SPRYD4: variants seen among roughly 807,000 people sequenced by gnomAD.
SPRYD4 encodes SPRY domain-containing protein 4.
A neutral mutation model predicts 16.6 loss-of-function variants in SPRYD4; 12 were observed. The ratio of observed to expected loss-of-function variants is 0.72; its 90% CI spans 0.46 to 1.17. SPRYD4 has a LOEUF of 1.17. Ranked by LOEUF, SPRYD4 falls within the 50% of genes most tolerant of loss-of-function variation. SPRYD4 has a pLI of 0.00. For synonymous variants in SPRYD4, 98 were observed against 105.4 expected, an observed-to-expected ratio of 0.93 and a Z score of 0.43; for missense variants, 260 against 260.2, an observed-to-expected ratio of 1.00 and a Z score of 0.00.
At position 56,472,385 on chromosome 12, in the gene SPRYD4, ATGTG is replaced by A; in HGVS notation, c.*2809_*2812del. ...TTATACTCATATTAGAGAGATGGGA[ATGTG>A]ATCCTTCCAGAAATATCACTCACTG... On this transcript the variant is annotated 3_prime_UTR_variant, in exon 2 of 2. Coordinates refer to ENST00000338146, the MANE Select transcript of SPRYD4 (RefSeq NM_207344.4). 1.6e-6 allele frequency: 1 copy of A among 615,426 alleles called. No individual in the cohort carries two copies. Among genetic ancestry groups the A allele is most frequent in the Non-Finnish European group, 2.9e-6 (1 of 350,612 alleles). The allele number at this position is 615,426 out of a possible 1,614,324, so 38.1% of individuals were successfully genotyped here. A position where few individuals can be genotyped will look rare whatever the true frequency, so the allele number is the denominator to read the frequency against.
Position 56,471,940 on chromosome 12 carries a change from CTCTTCCCATTT to C in SPRYD4, c.*2365_*2375del, listed in dbSNP as rs1869312900. On this transcript the variant is annotated 3_prime_UTR_variant, in exon 2 of 2. Transcript: ENST00000338146. ...TTACCAAGAGGGGAGGGGAAAAGGC[CTCTTCCCATTT>C]TGTACCCTGCAGCACTCAGTCATAG... 7.3e-7 allele frequency: 1 copy of C among 1,360,800 alleles called. No homozygotes were observed. The highest frequency in any genetic ancestry group is 1.4e-5 in the African/African-American group (1 of 69,568). The allele number at this position is 1,360,800 out of a possible 1,614,324, so 84.3% of individuals were successfully genotyped here. A position where few individuals can be genotyped will look rare whatever the true frequency, so the allele number is the denominator to read the frequency against.
Position 56,475,142 on chromosome 12 carries a change from T to C in SPRYD4, c.*5565T>C, listed in dbSNP as rs181154188. The C allele has an allele frequency of 1.2e-6, 2 of 1,613,414 alleles. No individual in the cohort carries two copies. Among genetic ancestry groups the C allele is most frequent in the East Asian group, 4.5e-5 (2 of 44,880 alleles). ...CAAACACCCAATTTAGTACTTGAAGTTGGAGGAGTGGGTGTTGGGAGAAGG... is the reference window on the plus strand; with the variant it reads ...CAAACACCCAATTTAGTACTTGAAGCTGGAGGAGTGGGTGTTGGGAGAAGG... On this transcript the variant is annotated 3_prime_UTR_variant, in exon 2 of 2. Coordinates refer to ENST00000338146, the MANE Select transcript of SPRYD4 (RefSeq NM_207344.4).
At position 56,469,133 on chromosome 12, in the gene SPRYD4, G is replaced by A. The variant is rs759776092; in HGVS notation, c.180G>A (p.Glu60=). Residue 60 remains glutamate (E), a synonymous_variant, in exon 2 of 2, where the codon GAG becomes GAA. Coordinates refer to ENST00000338146, the MANE Select transcript of SPRYD4 (RefSeq NM_207344.4). ...TCAAATATGGCTTGGTGGGATTGGA[G>A]CCCACCAAGGTGGCCTTGAATGTGG... ...TGVKYGLVGL[E]PTKVALNVER... is the part of the protein sequence containing the mutation. The A allele has an allele frequency of 6.8e-6, 11 of 1,613,862 alleles. No individual in the cohort carries two copies. The highest frequency in any genetic ancestry group is 6.8e-6 in the Non-Finnish European group (8 of 1,179,902).
rs940135143 is a variant in SPRYD4 at position 56,474,096 on chromosome 12, T to C, written c.*4519T>C. On this transcript the variant is annotated 3_prime_UTR_variant, in exon 2 of 2. Transcript: ENST00000338146. ...CCTCTGGTTGTTTTTCTTTTTCTTT[T>C]TTTCTTTTTTTTTGAGATGGAGTTT... 1.1e-4 allele frequency: 11 copies of C among 101,502 alleles called. No individual in the cohort carries two copies. Among genetic ancestry groups the C allele is most frequent in the Non-Finnish European group, 8.6e-5 (4 of 46,402 alleles). The allele number at this position is 101,502 out of a possible 1,614,324, so 6.3% of individuals were successfully genotyped here.
rs1020709889 is a variant in SPRYD4 at position 56,473,883 on chromosome 12, A to C, written c.*4306A>C. 1 of 304,532 alleles carries C rather than the reference A, an allele frequency of 3.3e-6. No individual in the cohort carries two copies. The highest frequency in any genetic ancestry group is 6.0e-6 in the Non-Finnish European group (1 of 166,028). The allele number at this position is 304,532 out of a possible 1,614,324, so 18.9% of individuals were successfully genotyped here. The stretch of plus-strand genomic sequence containing the variant: ...GTTAGGAGATAGGTAATAAACAGGT[A>C]AATAAATAGACACGTAATGTTTAAA... On this transcript the variant is annotated 3_prime_UTR_variant, in exon 2 of 2. Coordinates refer to ENST00000338146, the MANE Select transcript of SPRYD4 (RefSeq NM_207344.4).
In SPRYD4 at chr12:56,469,432, A is replaced by G. The variant is rs1869143382; in HGVS notation, c.479A>G (p.Gln160Arg). The G allele has an allele frequency of 1.9e-6, 3 of 1,613,930 alleles. No individual in the cohort carries two copies. The highest frequency in any genetic ancestry group is 2.5e-6 in the Non-Finnish European group (3 of 1,179,988). Residue 160 changes from glutamine (Q) to arginine (R), a missense_variant, in exon 2 of 2, where the codon CAG becomes CGG. By Grantham distance (43) the Gln-to-Arg change is conservative. Coordinates refer to ENST00000338146, the MANE Select transcript of SPRYD4 (RefSeq NM_207344.4). ...KVGLLLEYEA[Q>R]KLSLVDVSQV... ...GGGCTGTTGCTGGAGTATGAGGCCC[A>G]GAAGCTGAGCCTGGTGGATGTGAGC...
In SPRYD4 at chr12:56,470,794, T is replaced by C. The variant is rs148492153; in HGVS notation, c.*1217T>C. ...ACTTAACCTAAAGCAGTATTTGGAGTTGAGAAAAACCTGGTGGGGTAAGTG... is the reference window on the plus strand; with the variant it reads ...ACTTAACCTAAAGCAGTATTTGGAGCTGAGAAAAACCTGGTGGGGTAAGTG... On this transcript the variant is annotated 3_prime_UTR_variant, in exon 2 of 2. Coordinates refer to ENST00000338146, the MANE Select transcript of SPRYD4 (RefSeq NM_207344.4). 8.2e-3 allele frequency: 1,248 copies of C among 152,156 alleles called. 9 individuals carry two copies. Among genetic ancestry groups the C allele is most frequent in the Non-Finnish European group, 0.013 (869 of 68,054 alleles). The allele number at this position is 152,156 out of a possible 1,614,324, so 9.4% of individuals were successfully genotyped here.
rs1189041730 is a variant in SPRYD4, at chr12:56,473,268, G to A, written c.*3691G>A. ...TTCACGCCGTGGGTCTAACTTCCGAGCACAGTGCCTCAGGTTGTCATAGTT... is the reference window on the plus strand; with the variant it reads ...TTCACGCCGTGGGTCTAACTTCCGAACACAGTGCCTCAGGTTGTCATAGTT... On this transcript the variant is annotated 3_prime_UTR_variant, in exon 2 of 2. Coordinates refer to ENST00000338146, the MANE Select transcript of SPRYD4 (RefSeq NM_207344.4). 1.9e-6 allele frequency: 3 copies of A among 1,613,976 alleles called. No individual in the cohort carries two copies. Among genetic ancestry groups the A allele is most frequent in the South Asian group, 2.2e-5 (2 of 91,084 alleles).
In SPRYD4 at chr12:56,471,195, T is replaced by C. The variant is rs1869228929; in HGVS notation, c.*1618T>C. 1 of 434,602 alleles carries C rather than the reference T, an allele frequency of 2.3e-6. No individual in the cohort carries two copies. Among genetic ancestry groups the C allele is most frequent in the African/African-American group, 2.0e-5 (1 of 49,496 alleles). The allele number at this position is 434,602 out of a possible 1,614,324, so 26.9% of individuals were successfully genotyped here. A position where few individuals can be genotyped will look rare whatever the true frequency, so the allele number is the denominator to read the frequency against. ...TCTTCAGGGAGAGGAAGAGGAGACC[T>C]GGGTGAAGAGCTGGGATGGTTTTGA... On this transcript the variant is annotated 3_prime_UTR_variant, in exon 2 of 2. Transcript: ENST00000338146.
Position 56,478,004 on chromosome 12 carries a change from T to A in SPRYD4, c.*8427T>A. On this transcript the variant is annotated 3_prime_UTR_variant, in exon 2 of 2. Transcript: ENST00000338146. Reference sequence around the variant, plus strand: ...TTTGCCCACAAACTTGTGCACGTAGTCAGTGCCTAGGGTGCTTATGGAGAT... The same window carrying A: ...TTTGCCCACAAACTTGTGCACGTAGACAGTGCCTAGGGTGCTTATGGAGAT... The A allele has an allele frequency of 6.2e-7, 1 of 1,614,228 alleles. No homozygotes were observed. Among genetic ancestry groups the A allele is most frequent in the Non-Finnish European group, 8.5e-7 (1 of 1,180,036 alleles).
rs1324307049 is a variant in SPRYD4, at chr12:56,473,240, C to T, written c.*3663C>T. 1 of 1,614,006 alleles carries T rather than the reference C, an allele frequency of 6.2e-7. No individual in the cohort carries two copies. Among genetic ancestry groups the T allele is most frequent in the Admixed American group, 1.7e-5 (1 of 59,980 alleles). ...GAGTTTTCCTTACCCGAATTTCTGC[C>T]CCTTCACGCCGTGGGTCTAACTTCC... On this transcript the variant is annotated 3_prime_UTR_variant, in exon 2 of 2. Transcript: ENST00000338146.
In SPRYD4 at chr12:56,479,613, A is replaced by G. The variant is rs1335388213; in HGVS notation, c.*10036A>G. 13 of 776,404 alleles carry G rather than the reference A, an allele frequency of 1.7e-5. No individual in the cohort carries two copies. Among genetic ancestry groups the G allele is most frequent in the Non-Finnish European group, 1.9e-5 (10 of 539,716 alleles). 48.1% of individuals were successfully genotyped at this position (776,404 alleles called of 1,614,324 possible). A position where few individuals can be genotyped will look rare whatever the true frequency, so the allele number is the denominator to read the frequency against. ...GAGGGAAAGGAGAACATGTATTTCT[A>G]TATTGTTTGAACTCTTATGATGAGT... is the stretch of plus-strand genomic sequence containing the variant. On this transcript the variant is annotated 3_prime_UTR_variant, in exon 2 of 2. Coordinates refer to ENST00000338146, the MANE Select transcript of SPRYD4 (RefSeq NM_207344.4).
chr12:56,472,926 C>T lies in SPRYD4; in HGVS notation c.*3349C>T, dbSNP rs555865729. 272 of 573,316 alleles carry T rather than the reference C, an allele frequency of 4.7e-4. 4 individuals carry two copies. The South Asian group carries it at 5.4e-3, about 11-fold the overall frequency. The allele number at this position is 573,316 out of a possible 1,614,324, so 35.5% of individuals were successfully genotyped here. A position where few individuals can be genotyped will look rare whatever the true frequency, so the allele number is the denominator to read the frequency against. On this transcript the variant is annotated 3_prime_UTR_variant, in exon 2 of 2. Transcript: ENST00000338146. ...TTTTTGAGACGGAGTCTCGCTCTGT[C>T]GTTCAGGCTGAAGTGTAGTGGCGCG...
Position 56,472,667 on chromosome 12 carries a change from A to G in SPRYD4, c.*3090A>G, listed in dbSNP as rs773260635. The G allele has an allele frequency of 6.2e-7, 1 of 1,607,632 alleles. No homozygotes were observed. Among genetic ancestry groups the G allele is most frequent in the Non-Finnish European group, 8.5e-7 (1 of 1,174,336 alleles). ...TCTGACCAGGAGTATTTTATTGTGT[A>G]TATTTGGTCACAGTAGCATTACCTT... On this transcript the variant is annotated 3_prime_UTR_variant, in exon 2 of 2. Coordinates refer to ENST00000338146, the MANE Select transcript of SPRYD4 (RefSeq NM_207344.4).
chr12:56,469,565 C>G lies in SPRYD4; in HGVS notation c.612C>G (p.Pro204=), dbSNP rs775156965. 1 of 1,613,156 alleles carries G rather than the reference C, an allele frequency of 6.2e-7. No individual in the cohort carries two copies. Among genetic ancestry groups the G allele is most frequent in the Non-Finnish European group, 8.5e-7 (1 of 1,179,514 alleles). Reference sequence around the variant, plus strand: ...TGACCCATTCAGGGCTTGAGGTGCCCGAGGGCCTCTAGTATGTCCATTACT... The same window carrying G: ...TGACCCATTCAGGGCTTGAGGTGCCGGAGGGCCTCTAGTATGTCCATTACT... ...ELLTHSGLEV[P]EGL Residue 204 remains proline (P), a synonymous_variant, in exon 2 of 2, where the codon CCC becomes CCG. Coordinates refer to ENST00000338146, the MANE Select transcript of SPRYD4 (RefSeq NM_207344.4).
At position 56,475,820 on chromosome 12, in the gene SPRYD4, G is replaced by T; in HGVS notation, c.*6243G>T. On this transcript the variant is annotated 3_prime_UTR_variant, in exon 2 of 2. Coordinates refer to ENST00000338146, the MANE Select transcript of SPRYD4 (RefSeq NM_207344.4). Reference sequence around the variant, plus strand: ...GAGGCCAGCAGATTTCCACATTTCTGGAAATAAGGCTTCTAGTATGGGCTG... The same window carrying T: ...GAGGCCAGCAGATTTCCACATTTCTTGAAATAAGGCTTCTAGTATGGGCTG... 1 of 1,412,326 alleles carries T rather than the reference G, an allele frequency of 7.1e-7. No individual in the cohort carries two copies. The highest frequency in any genetic ancestry group is 1.0e-6 in the Non-Finnish European group (1 of 1,001,184). 87.5% of individuals were successfully genotyped at this position (1,412,326 alleles called of 1,614,324 possible).
At position 56,472,215 on chromosome 12, in the gene SPRYD4, A is replaced by G; in HGVS notation, c.*2638A>G. Reference sequence around the variant, plus strand: ...GCAAACCTGAGGGTAGTGGGAAAGCAGCTAGAGTTGCCTAGATCAGACTGG... The same window carrying G: ...GCAAACCTGAGGGTAGTGGGAAAGCGGCTAGAGTTGCCTAGATCAGACTGG... On this transcript the variant is annotated 3_prime_UTR_variant, in exon 2 of 2. Coordinates refer to ENST00000338146, the MANE Select transcript of SPRYD4 (RefSeq NM_207344.4). The G allele has an allele frequency of 1.9e-6, 3 of 1,611,584 alleles. No homozygotes were observed. The highest frequency in any genetic ancestry group is 2.5e-6 in the Non-Finnish European group (3 of 1,177,666).
In SPRYD4 at chr12:56,471,303, G is replaced by C; in HGVS notation, c.*1726G>C. 1.6e-6 allele frequency: 1 copy of C among 628,642 alleles called. No homozygotes were observed. The allele number at this position is 628,642 out of a possible 1,614,324, so 38.9% of individuals were successfully genotyped here. On this transcript the variant is annotated 3_prime_UTR_variant, in exon 2 of 2. Transcript: ENST00000338146. Reference sequence around the variant, plus strand: ...CAGGTGTCCTCTGAGGCCCTTCTCTGTACTCTGTCTGCTGAGGGAATGGGG... The same window carrying C: ...CAGGTGTCCTCTGAGGCCCTTCTCTCTACTCTGTCTGCTGAGGGAATGGGG...
chr12:56,469,043 C>A lies in SPRYD4; in HGVS notation c.90C>A (p.Val30=). 6.4e-7 allele frequency: 1 copy of A among 1,560,402 alleles called. No individual in the cohort carries two copies. Among genetic ancestry groups the A allele is most frequent in the South Asian group, 1.2e-5 (1 of 83,940 alleles). ...GTCTTTTTGCTCTGCCCGCAGGCGT[C>A]AGTTTCAAACTGGAAGAAAAAACCG... ...GVASTEAQRG[V]SFKLEEKTAH... Residue 30 remains valine (V), a synonymous_variant, in exon 2 of 2, where the codon GTC becomes GTA. Coordinates refer to ENST00000338146, the MANE Select transcript of SPRYD4 (RefSeq NM_207344.4).
Sources: gnomAD v4.1 joint callset for allele counts on GRCh38, gnomAD v4.1.1 for gene constraint, MANE v1.5 for transcripts, NCBI Gene and HGNC (gene_info 2026-07-23, HGNC 2026-07-21) for gene names.